The following THSD4 variants were observed in gnomAD, a reference collection of about 807,000 sequenced individuals.
The protein encoded by THSD4 is thrombospondin type-1 domain-containing protein 4.
A neutral mutation model predicts 119.0 loss-of-function variants in THSD4; 69 were observed. That is an observed-to-expected ratio of 0.58 (90% CI 0.48 to 0.71). The LOEUF (loss-of-function observed/expected upper bound fraction) is 0.71, where lower values mean the gene tolerates loss of function less well. THSD4 is among the 30% of genes least tolerant of loss of function. THSD4 has a pLI of 0.00. For missense variants in THSD4, 1,393 were observed against 1,391.1 expected (o/e 1.00, Z -0.02); for synonymous variants, 524 against 540.4 (o/e 0.97, Z 0.42).
intron 2 of THSD4, among the ~76,000 whole-genome samples, chr15:71,143,685 CTTTTTTTTTTCTTTCT>C (rs1487293566): frequency 8.7e-6 from 1 of 114,962 alleles, no homozygotes; most frequent in Non-Finnish European, 1.9e-5. Flanking sequence ...TTTTTTCTTT[CTTTTTTTTTTCTTTCT>C]TTTTTTTTTT....
At chr15:71,598,324 T>C (rs1367262357) in intron 7 of THSD4, among the ~76,000 whole-genome samples, 2 of 152,100 alleles carry the variant, frequency 1.3e-5, no homozygotes, top group African/African-American at 4.8e-5. Flanking sequence ...GGCGACATCA[T>C]GACATTTTAA....
chr15:71,234,156 C>T (rs112010348), intron 4 of THSD4, among the ~76,000 whole-genome samples: 591 of 152,360 alleles, frequency 3.9e-3, no homozygotes, highest in Non-Finnish European at 6.4e-3. Context: ...CTCCCTCCCA[C>T]ATCCTAGTCA....
At chr15:71,295,579 A>G (rs1471062957) in intron 6 of THSD4, among the ~76,000 whole-genome samples, 2 of 151,854 alleles carry the variant, frequency 1.3e-5, no homozygotes, top group East Asian at 3.9e-4. Flanking sequence ...TGGGTGAATC[A>G]TTTCCCTCTC....
At chr15:71,537,873 A>C (rs2048707378) in intron 7 of THSD4, among the ~76,000 whole-genome samples, 1 of 151,840 alleles carries the variant, frequency 6.6e-6, no homozygotes, top group Non-Finnish European at 1.5e-5. Context: ...AGTGATTTTC[A>C]CACCTCACCC....
chr15:71,498,758 T>C (rs975012558), intron 7 of THSD4, among the ~76,000 whole-genome samples: 2 of 152,062 alleles, frequency 1.3e-5, no homozygotes, highest in Non-Finnish European at 2.9e-5. Context: ...AGCAGTGGCA[T>C]GATCATGGCT....
intron 2 of THSD4, among the ~76,000 whole-genome samples, chr15:71,152,412 ACT>A (rs1202454883): frequency 6.7e-6 from 1 of 149,102 alleles, no homozygotes. Flanking sequence ...ACAGAACGAG[ACT>A]CTGTCTCCAA....
chr15:71,559,513 C>T (rs2049077227), intron 7 of THSD4, among the ~76,000 whole-genome samples: 1 of 151,258 alleles, frequency 6.6e-6, no homozygotes, highest in Non-Finnish European at 1.5e-5. Context: ...TACCTTTGCT[C>T]AATCTGCCAT....
chr15:71,269,313 G>A (rs1419239470), intron 6 of THSD4, among the ~76,000 whole-genome samples: 3 of 152,094 alleles, frequency 2.0e-5, no homozygotes, highest in Admixed American at 1.3e-4. Flanking sequence ...ACCAATAAAC[G>A]TACTCCATCA....
intron 7 of THSD4, among the ~76,000 whole-genome samples, chr15:71,466,164 A>G (rs1470179880): frequency 6.6e-6 from 1 of 151,952 alleles, no homozygotes; most frequent in African/African-American, 2.4e-5. Context: ...CCTGGCTAAC[A>G]TGGTGAAACC....
At chr15:71,557,669 G>C (rs556579974) in intron 7 of THSD4, among the ~76,000 whole-genome samples, 1 of 152,216 alleles carries the variant, frequency 6.6e-6, no homozygotes, top group African/African-American at 2.4e-5. Context: ...GGAGTATTAA[G>C]GCTTTCTATT....
chr15:71,374,288 A>G (rs549384727), intron 6 of THSD4, among the ~76,000 whole-genome samples: 4 of 152,270 alleles, frequency 2.6e-5, no homozygotes, highest in South Asian at 2.1e-4. Flanking sequence ...TGAAGTCGAT[A>G]TCTTCATTAT....
intron 7 of THSD4, among the ~76,000 whole-genome samples, chr15:71,457,252 G>A (rs1354395333): frequency 5.3e-5 from 8 of 151,776 alleles, no homozygotes; most frequent in Non-Finnish European, 8.8e-5. Flanking sequence ...CATTGGTGGC[G>A]TGCTCCTGTA....
chr15:71,230,094 G>T (rs1042285690), intron 4 of THSD4, among the ~76,000 whole-genome samples: 14 of 152,256 alleles, frequency 9.2e-5, no homozygotes, highest in Middle Eastern at 3.4e-3. Context: ...CCTGCCGGGG[G>T]TCAGCCTCTA....
intron 6 of THSD4, among the ~76,000 whole-genome samples, chr15:71,277,304 G>A (rs1053580129): frequency 1.3e-5 from 2 of 151,924 alleles, no homozygotes; most frequent in African/African-American, 4.8e-5. Context: ...GTTTGTATTT[G>A]TAGTAGAGAC....
chr15:71,398,962 A>C (rs1383260109), intron 6 of THSD4, among the ~76,000 whole-genome samples: 2 of 152,126 alleles, frequency 1.3e-5, no homozygotes, highest in Admixed American at 6.5e-5. Flanking sequence ...CCAGGCCCCC[A>C]TGAGATCCAA....
chr15:71,542,945 C>T (rs2048781684), intron 7 of THSD4, among the ~76,000 whole-genome samples: 1 of 151,710 alleles, frequency 6.6e-6, no homozygotes, highest in African/African-American at 2.4e-5. Context: ...AGCAGTAGTC[C>T]TGAAGAGCAT....
chr15:71,710,839 G>A (rs752300944), intron 8 of THSD4, among the ~76,000 whole-genome samples: 1 of 152,028 alleles, frequency 6.6e-6, no homozygotes, highest in Non-Finnish European at 1.5e-5. Flanking sequence ...TACAAATGAG[G>A]AACAAAATGC....
chr15:71,729,928 C>T (rs2052941012), intron 9 of THSD4: 1 of 152,166 alleles, frequency 6.6e-6, no homozygotes, highest in African/African-American at 2.4e-5. Flanking sequence ...TCAGTGCCCA[C>T]CACGTTTCTG....
chr15:71,152,079 C>T (rs1032757238), intron 2 of THSD4, among the ~76,000 whole-genome samples: 2 of 152,046 alleles, frequency 1.3e-5, no homozygotes, highest in African/African-American at 2.4e-5. Context: ...ATTATTGTCC[C>T]GAATACACCC....
Sources: gnomAD v4.1 joint callset for allele counts (sites outside exome capture counted in the v4.1 genomes callset) on GRCh38, gnomAD v4.1.1 for gene constraint, MANE v1.5 for transcripts, NCBI Gene and HGNC (gene_info 2026-07-23, HGNC 2026-07-21) for gene names.